The following CYGB variants were observed in gnomAD, a reference collection of about 807,000 sequenced individuals.
CYGB encodes the protein cytoglobin.
CYGB carries 13 observed loss-of-function variants against 20.7 expected under a neutral mutation model. That is an observed-to-expected ratio of 0.63 (90% CI 0.41 to 1.00). The LOEUF is 1.00. Ranked by LOEUF, CYGB falls within the 50% of genes least tolerant of loss-of-function variation. The pLI is 0.00. For synonymous variants in CYGB, 93 were observed against 107.4 expected (o/e 0.87, Z 0.83); for missense variants, 218 against 257.2 (o/e 0.85, Z 1.04).
upstream of CYGB, chr17:76,540,256 G>GCA (rs759275085): frequency 8.3e-7 from 1 of 1,210,062 alleles, no homozygotes; most frequent in Admixed American, 2.0e-5. This position sits in a 1 kb window ranked among gnomAD's most constrained non-coding sequence, Gnocchi z 5.0. Context: ...TTGGTCGGGG[G>GCA]GGGGGGGCAT....
chr17:76,543,172 G>A (rs1196442785), intron 1 of CYGB: 3 of 458,550 alleles, frequency 6.5e-6, no homozygotes, highest in South Asian at 1.6e-5. Flanking sequence ...CTTCCCCCAG[G>A]CCCTGGGTGT....
intron 1 of CYGB, among the ~76,000 whole-genome samples, chr17:76,548,104 AAC>A (rs765753099): frequency 3.6e-4 from 55 of 151,866 alleles, no homozygotes; most frequent in African/African-American, 9.9e-4. Context: ...GACACACAGA[AAC>A]ACACACACAT....
upstream of CYGB, among the ~76,000 whole-genome samples, chr17:76,541,608 C>T (rs183903707): frequency 6.7e-4 from 102 of 152,308 alleles, no homozygotes; most frequent in African/African-American, 3.6e-4. Flanking sequence ...TGGGCCTGTA[C>T]AGGAAGCGGA....
chr17:76,529,493 G>C, intron 3 of CYGB: 1 of 985,464 alleles, frequency 1.0e-6, no homozygotes, highest in Non-Finnish European at 1.2e-6. Flanking sequence ...CTTGGGCCAT[G>C]TGTTTCTGAT....
chr17:76,540,480 TCCTC>T (rs1385397714), upstream of CYGB: 3 of 1,612,456 alleles, frequency 1.9e-6, no homozygotes, highest in East Asian at 6.7e-5. This position sits in a 1 kb window ranked among gnomAD's most constrained non-coding sequence, Gnocchi z 5.0. Context: ...CCATAGCTCT[TCCTC>T]CCTACTCTTG....
upstream of CYGB, among the ~76,000 whole-genome samples, chr17:76,539,111 G>A (rs2074957173): frequency 6.6e-6 from 1 of 152,068 alleles, no homozygotes; most frequent in Non-Finnish European, 1.5e-5. Flanking sequence ...ATGCCTCCTG[G>A]GGGTCTTGGA....
rs1216214104 is a variant in CYGB, at chr17:76,530,035, G to A, written c.539+944C>T. On this transcript the variant is annotated intron_variant, in intron 3 of 3. Transcript: ENST00000293230. This position sits in a 1 kb window ranked among gnomAD's most constrained non-coding sequence, Gnocchi z 6.1. ...CAGGAGCTGTGCCTGTGAACAGAAG[G>A]GCCGGCAGTCTTGGGGGCCCGTGCA... 1.0e-6 allele frequency: 1 copy of A among 985,274 alleles called. No homozygotes were observed. Among genetic ancestry groups the A allele is most frequent in the Non-Finnish European group, 1.2e-6 (1 of 829,920 alleles). 61.0% of individuals were successfully genotyped at this position (985,274 alleles called of 1,614,324 possible).
At chr17:76,540,116 C>T (rs2074968527), upstream of CYGB, 3 of 1,590,198 alleles carry the variant, frequency 1.9e-6, no homozygotes, top group African/African-American at 1.3e-5. The surrounding 1 kb of genome is among the most constrained non-coding windows in gnomAD (Gnocchi z 5.0). Flanking sequence ...CAGACTTGGC[C>T]TGGGAGGGGA....
intron 1 of CYGB, among the ~76,000 whole-genome samples, chr17:76,549,462 A>G (rs991537870): frequency 6.6e-6 from 1 of 152,262 alleles, no homozygotes; most frequent in African/African-American, 2.4e-5. Flanking sequence ...GAGTGGTTAC[A>G]GCTGAAGGCC....
At chr17:76,544,880 A>G (rs1360826030) in intron 1 of CYGB, 1 of 456,646 alleles carries the variant, frequency 2.2e-6, no homozygotes, top group Non-Finnish European at 4.4e-6. Flanking sequence ...GCACTTCCCC[A>G]GGGCAGCGCC....
rs1442701997 is a variant in CYGB, at chr17:76,528,750, G to A, written c.540-139C>T. On this transcript the variant is annotated intron_variant, in intron 3 of 3. Coordinates refer to ENST00000293230, the MANE Select transcript of CYGB (RefSeq NM_134268.5). This position sits in a 1 kb window ranked among gnomAD's most constrained non-coding sequence, Gnocchi z 5.8. ...GCACAGTGCAGTTGAAAGCAACCGT[G>A]AGACCCAAGTTCTAGTCTCCGTCCT... The A allele has an allele frequency of 2.9e-6, 3 of 1,036,540 alleles. No homozygotes were observed. Among genetic ancestry groups the A allele is most frequent in the African/African-American group, 3.3e-5 (2 of 60,366 alleles). The allele number at this position is 1,036,540 out of a possible 1,614,324, so 64.2% of individuals were successfully genotyped here.
intron 1 of CYGB, among the ~76,000 whole-genome samples, chr17:76,536,779 A>G (rs536281352): frequency 2.1e-4 from 32 of 151,998 alleles, no homozygotes; most frequent in African/African-American, 7.7e-4. Context: ...CTCAGCAGGG[A>G]TTGTATCCTA....
chr17:76,544,861 G>T, intron 1 of CYGB: 1 of 456,812 alleles, frequency 2.2e-6, no homozygotes. Context: ...GCTGGCTCAC[G>T]GCCCAGACGC....
At chr17:76,547,770 C>T (rs2075067133) in intron 1 of CYGB, among the ~76,000 whole-genome samples, 1 of 150,196 alleles carries the variant, frequency 6.7e-6, no homozygotes, top group African/African-American at 2.5e-5. Context: ...CCTATACAAA[C>T]ATATAATACA....
rs772968282 is a variant in CYGB, at chr17:76,531,029, G to A, written c.489C>T (p.Thr163=). ...CCCAGCCCACTTCCTTGTAGGCAGC[G>A]GTCACGTGGCTGTAGATGAGGCCAC... The part of the protein sequence containing the change: ...KLRGLIYSHV[T]AAYKEVGWVQ... Residue 163 remains threonine (T), a synonymous_variant, in exon 3 of 4, where the codon ACC becomes ACT. Coordinates refer to ENST00000293230, the MANE Select transcript of CYGB (RefSeq NM_134268.5). This position sits in a 1 kb window ranked among gnomAD's most constrained non-coding sequence, Gnocchi z 7.4. 1.4e-5 allele frequency: 23 copies of A among 1,613,190 alleles called. No homozygotes were observed. The highest frequency in any genetic ancestry group is 3.3e-5 in the South Asian group (3 of 91,054).
At chr17:76,547,888 TAC>T (rs768752289) in intron 1 of CYGB, among the ~76,000 whole-genome samples, 7 of 144,122 alleles carry the variant, frequency 4.9e-5, no homozygotes, top group African/African-American at 1.9e-4. Flanking sequence ...CACATACACA[TAC>T]ACACAGACAC....
In CYGB at chr17:76,527,862, G is replaced by A. The variant is rs2074785650; in HGVS notation, c.*716C>T. On this transcript the variant is annotated 3_prime_UTR_variant, in exon 4 of 4. Coordinates refer to ENST00000293230, the MANE Select transcript of CYGB (RefSeq NM_134268.5). ...AGTCAGTTCCTCTGAGGGAGTAGGGGGAGCCCACTCCTTTCTGCCTGGAAG... is the reference window on the plus strand; with the variant it reads ...AGTCAGTTCCTCTGAGGGAGTAGGGAGAGCCCACTCCTTTCTGCCTGGAAG... The A allele has an allele frequency of 2.2e-6, 1 of 449,310 alleles. No homozygotes were observed. Among genetic ancestry groups the A allele is most frequent in the East Asian group, 7.0e-5 (1 of 14,284 alleles). The allele number at this position is 449,310 out of a possible 1,614,324, so 27.8% of individuals were successfully genotyped here.
rs2074820219 is a variant in CYGB at position 76,530,257 on chromosome 17, T to TG, written c.539+721dup. Among the ~76,000 whole-genome samples the TG allele has an allele frequency of 6.6e-6, 1 of 151,988 alleles. No individual in the cohort carries two copies. The highest frequency in any genetic ancestry group is 2.1e-4 in the South Asian group (1 of 4,822). On this transcript the variant is annotated intron_variant, in intron 3 of 3. Transcript: ENST00000293230. The surrounding 1 kb of genome is among the most constrained non-coding windows in gnomAD (Gnocchi z 6.1). The stretch of plus-strand genomic sequence containing the variant: ...TCAGCTCCCAGAGTCAGCCTCCCCT[T>TG]GGGGGCCCAGGGAGGCCGAGTGTTC...
At position 76,527,559 on chromosome 17, in the gene CYGB, C is replaced by A. The variant is rs1212882157; in HGVS notation, c.*1019G>T. On this transcript the variant is annotated 3_prime_UTR_variant, in exon 4 of 4. Coordinates refer to ENST00000293230, the MANE Select transcript of CYGB (RefSeq NM_134268.5). Reference sequence around the variant, plus strand: ...GTGACCAAGGGGCACACACGGGGGGCCCCCCTGGCAAGCCTGACGCAGATG... The same window carrying A: ...GTGACCAAGGGGCACACACGGGGGGACCCCCTGGCAAGCCTGACGCAGATG... 1 of 442,184 alleles carries A rather than the reference C, an allele frequency of 2.3e-6. No homozygotes were observed. The highest frequency in any genetic ancestry group is 4.6e-6 in the Non-Finnish European group (1 of 217,316). 27.4% of individuals were successfully genotyped at this position (442,184 alleles called of 1,614,324 possible). A position where few individuals can be genotyped will look rare whatever the true frequency, so the allele number is the denominator to read the frequency against.
Sources: allele counts gnomAD v4.1 joint callset (sites outside exome capture counted in the v4.1 genomes callset), GRCh38; gene constraint gnomAD v4.1.1; non-coding constraint Gnocchi (gnomAD v3.1); transcripts MANE v1.5; gene names NCBI Gene and HGNC (gene_info 2026-07-23, HGNC 2026-07-21).